The following MTHFD1L variants were observed in gnomAD, a reference collection of about 807,000 sequenced individuals.
The protein encoded by MTHFD1L is methylenetetrahydrofolate dehydrogenase (NADP+ dependent) 1 like.
In MTHFD1L, 81 loss-of-function variants were observed where a neutral mutation model predicts 119.5. That is an observed-to-expected ratio of 0.68 (90% CI 0.57 to 0.82). MTHFD1L has a LOEUF of 0.82. Among genes scored for constraint, MTHFD1L ranks in the 40% least tolerant of loss-of-function variants. MTHFD1L has a pLI of 0.00. For missense variants in MTHFD1L, 1,125 were observed against 1,253.4 expected (o/e 0.90, Z 1.55); for synonymous variants, 430 against 475.2 (o/e 0.90, Z 1.24).
intron 15 of MTHFD1L, among the ~76,000 whole-genome samples, chr6:150,947,051 G>A (rs535122345): frequency 6.7e-6 from 1 of 148,506 alleles, no homozygotes; most frequent in Non-Finnish European, 1.5e-5. Context: ...CTCCAGCCTG[G>A]GCAACAGAGC....
intron 20 of MTHFD1L, among the ~76,000 whole-genome samples, chr6:150,977,597 T>C (rs1436953337): frequency 6.6e-6 from 1 of 152,236 alleles, no homozygotes; most frequent in Non-Finnish European, 1.5e-5. Context: ...AAAGCAGTAT[T>C]GAGTTCCTGG....
At chr6:150,879,433 G>T (rs894352458) in intron 4 of MTHFD1L, among the ~76,000 whole-genome samples, 5 of 148,954 alleles carry the variant, frequency 3.4e-5, no homozygotes, top group African/African-American at 1.2e-4. Context: ...GATTACAGGC[G>T]CCCGCCACCA....
At chr6:151,022,989 C>T (rs190569112) in intron 24 of MTHFD1L, among the ~76,000 whole-genome samples, 148 of 152,022 alleles carry the variant, frequency 9.7e-4, no homozygotes, top group Middle Eastern at 3.4e-3. Context: ...CCCAAATCTC[C>T]AGATACCCCC....
chr6:150,897,172 G>A (rs1313928374), intron 7 of MTHFD1L, among the ~76,000 whole-genome samples: 1 of 152,060 alleles, frequency 6.6e-6, no homozygotes, highest in Non-Finnish European at 1.5e-5. Flanking sequence ...GGTCTTAGGT[G>A]GCTCAGAATT....
rs769436677 is a variant in MTHFD1L, at chr6:150,877,809, G to A, written c.400G>A (p.Asp134Asn). ...CATCACTCACATTTGCCTCCCTCCAGATAGCAGTGAAGCCGAGGTAATAAT... is the reference window on the plus strand; with the variant it reads ...CATCACTCACATTTGCCTCCCTCCAAATAGCAGTGAAGCCGAGGTAATAAT... Reference protein sequence around the residue: ...LNITHICLPPDSSEAEIIDEI... With the variant: ...LNITHICLPPNSSEAEIIDEI... The change falls in exon 4 of 28, where the codon GAT (aspartate) becomes AAT (asparagine). Residue 134 changes from aspartate to asparagine, a missense_variant. Asp to Asn is a conservative substitution (Grantham distance 23). Around this residue, in one of 3 missense-constraint regions of MTHFD1L, gnomAD observed 1,058 missense variants for 1,151.2 expected, o/e 0.92. Coordinates refer to ENST00000367321, the MANE Select transcript of MTHFD1L (RefSeq NM_015440.5). 7 of 1,614,168 alleles carry A rather than the reference G, an allele frequency of 4.3e-6. No homozygotes were observed. The East Asian group carries it at 1.6e-4, about 36-fold the overall frequency.
intron 20 of MTHFD1L, among the ~76,000 whole-genome samples, chr6:150,984,423 TC>T (rs1407694831): frequency 1.3e-5 from 2 of 152,024 alleles, no homozygotes; most frequent in Non-Finnish European, 2.9e-5. Context: ...AAAGCCTTTT[TC>T]CCCCCTTTAT....
At chr6:151,073,619 A>G (rs528032831) in intron 26 of MTHFD1L, among the ~76,000 whole-genome samples, 46 of 152,230 alleles carry the variant, frequency 3.0e-4, no homozygotes, top group Non-Finnish European at 6.6e-4. Context: ...CATGTTAAAT[A>G]GAGACAAAGA....
chr6:151,066,113 G>A (rs1303035721), intron 26 of MTHFD1L, among the ~76,000 whole-genome samples: 1 of 152,150 alleles, frequency 6.6e-6, no homozygotes, highest in Non-Finnish European at 1.5e-5. Context: ...AATAGCTTTG[G>A]GCTTTTAAAA....
chr6:151,044,740 G>C (rs889225144), intron 26 of MTHFD1L, among the ~76,000 whole-genome samples: 1 of 152,062 alleles, frequency 6.6e-6, no homozygotes, highest in East Asian at 1.9e-4. Flanking sequence ...CCTGTGACCC[G>C]GCCCTGCCAC....
intron 19 of MTHFD1L, among the ~76,000 whole-genome samples, chr6:150,967,396 A>G (rs899920516): frequency 6.7e-6 from 1 of 148,460 alleles, no homozygotes; most frequent in African/African-American, 2.5e-5. Context: ...GGCTTCTCTG[A>G]TGACCCCTCA....
chr6:150,939,700 T>C (rs1412986055), intron 13 of MTHFD1L, among the ~76,000 whole-genome samples: 8 of 150,472 alleles, frequency 5.3e-5, no homozygotes, highest in Admixed American at 4.7e-4. Flanking sequence ...TTTTTTTTTT[T>C]TTGAGACAGA....
At chr6:150,886,435 CAAAAA>C (rs996165446) in intron 6 of MTHFD1L, among the ~76,000 whole-genome samples, 30 of 69,652 alleles carry the variant, frequency 4.3e-4, no homozygotes, top group Admixed American at 1.8e-3. Flanking sequence ...GACCCTGCCT[CAAAAA>C]AAAAAAAAAA....
intron 25 of MTHFD1L, among the ~76,000 whole-genome samples, chr6:151,035,379 T>A (rs960148092): frequency 6.6e-6 from 1 of 152,216 alleles, no homozygotes; most frequent in Non-Finnish European, 1.5e-5. Context: ...ATGGGTAGCG[T>A]TGACCTTTTC....
At chr6:150,910,255 G>A (rs1177749422) in intron 8 of MTHFD1L, among the ~76,000 whole-genome samples, 4 of 151,498 alleles carry the variant, frequency 2.6e-5, no homozygotes, top group Admixed American at 2.0e-4. Context: ...CAAGGACAAG[G>A]GAGCTGTTTT....
At chr6:150,905,604 T>A in intron 7 of MTHFD1L, 46 bp from the exon 8 acceptor site, 1 of 1,385,450 alleles carries the variant, frequency 7.2e-7, no homozygotes, top group South Asian at 1.2e-5. Flanking sequence ...CTTGTGTCTT[T>A]ATGCCTCAGA....
chr6:150,934,490 G>A (rs371747110), intron 11 of MTHFD1L, among the ~76,000 whole-genome samples: 4 of 152,182 alleles, frequency 2.6e-5, no homozygotes, highest in East Asian at 1.9e-4. Flanking sequence ...CTGGAAGCTC[G>A]TGAGGATAGA....
At chr6:150,933,510 T>C (rs986499249) in intron 11 of MTHFD1L, among the ~76,000 whole-genome samples, 3 of 152,100 alleles carry the variant, frequency 2.0e-5, no homozygotes, top group Admixed American at 1.3e-4. Context: ...GCAGATCTGC[T>C]GTTTAGACAG....
At chr6:151,003,554 T>A (rs78647826) in intron 20 of MTHFD1L, among the ~76,000 whole-genome samples, 4,201 of 151,692 alleles carry the variant, frequency 0.028, 190 homozygotes, top group Admixed American at 0.14. Context: ...GGGGGAAAGG[T>A]CAGAAAGACG....
At chr6:151,006,100 C>T (rs1361974253) in intron 20 of MTHFD1L, among the ~76,000 whole-genome samples, 1 of 151,908 alleles carries the variant, frequency 6.6e-6, no homozygotes, top group Non-Finnish European at 1.5e-5. Context: ...GGCGTGGTCC[C>T]GCCCTCCATG....
Sources: allele counts gnomAD v4.1 joint callset (sites outside exome capture counted in the v4.1 genomes callset), GRCh38; gene constraint gnomAD v4.1.1; regional missense constraint gnomAD v4.1.1; transcripts MANE v1.5; gene names NCBI Gene and HGNC (gene_info 2026-07-23, HGNC 2026-07-21).